Variants in ERCC6L2 observed in about 807,000 individuals in gnomAD.
The protein encoded by ERCC6L2 is DNA excision repair protein ERCC-6-like 2.
In ERCC6L2, 77 loss-of-function variants were observed where a neutral mutation model predicts 132.0. That is an observed-to-expected ratio of 0.58 (90% CI 0.49 to 0.71). The LOEUF (loss-of-function observed/expected upper bound fraction) is 0.71. Among genes scored for constraint, ERCC6L2 ranks in the 30% least tolerant of loss-of-function variants. The probability of loss-of-function intolerance (pLI) is 0.00; values close to 1 mark genes in which losing one functional copy is unlikely to be tolerated. For synonymous variants in ERCC6L2, 583 were observed against 632.4 expected (o/e 0.92, Z 1.17); for missense variants, 1,542 against 1,837.6 (o/e 0.84, Z 2.94).
chr9:96,000,750 C>G (rs1833639640), intron 17 of ERCC6L2, among the ~76,000 whole-genome samples: 1 of 152,088 alleles, frequency 6.6e-6, no homozygotes, highest in Non-Finnish European at 1.5e-5. Flanking sequence ...TTACCTATGC[C>G]AATCTGGGCG....
intron 16 of ERCC6L2, among the ~76,000 whole-genome samples, chr9:95,975,819 TC>T (rs1400933522): frequency 2.0e-5 from 3 of 152,138 alleles, no homozygotes; most frequent in African/African-American, 7.2e-5. Context: ...TTAAGGCTTA[TC>T]TGTTGTGTTT....
intron 19 of ERCC6L2, among the ~76,000 whole-genome samples, chr9:96,024,935 T>C (rs910895565): frequency 6.6e-6 from 1 of 152,206 alleles, no homozygotes; most frequent in African/African-American, 2.4e-5. Flanking sequence ...GATGCTTCCA[T>C]TCCTCTCAGC....
chr9:95,972,796 T>C lies in ERCC6L2; in HGVS notation c.3045T>C (p.Asn1015=). ...RIKETKKELH[N]SPKTMNKTNQ... ...AAGAAACCAAAAAAGAACTTCACAA[T>C]TCTCCCAAAACAATGAACAAAACAA... The change falls in exon 16 of 19, where the codon AAT becomes AAC. Residue 1015 remains asparagine (N), a synonymous_variant. Transcript: ENST00000653738. The C allele has an allele frequency of 7.7e-7, 1 of 1,304,350 alleles. No individual in the cohort carries two copies. The highest frequency in any genetic ancestry group is 1.0e-6 in the Non-Finnish European group (1 of 988,888). 80.8% of individuals were successfully genotyped at this position (1,304,350 alleles called of 1,614,324 possible). A position where few individuals can be genotyped will look rare whatever the true frequency, so the allele number is the denominator to read the frequency against.
chr9:95,902,052 A>T lies in ERCC6L2; in HGVS notation c.594+4081A>T, dbSNP rs553414688. On this transcript the variant is annotated intron_variant, in intron 3 of 18. Coordinates refer to ENST00000653738, the MANE Select transcript of ERCC6L2 (RefSeq NM_020207.7). ...GCTTGTTGAAGAAAGCCCTTTAATG[A>T]ACTGAATGTTACAAATTAAGGAGTG... Among the ~76,000 whole-genome samples, 4 of 152,336 alleles carry T rather than the reference A, an allele frequency of 2.6e-5. No homozygotes were observed. The East Asian group carries it at 5.8e-4, about 22-fold the overall frequency.
intron 6 of ERCC6L2, among the ~76,000 whole-genome samples, chr9:95,920,168 G>A (rs1453718532): frequency 6.6e-6 from 1 of 152,126 alleles, no homozygotes; most frequent in Non-Finnish European, 1.5e-5. Flanking sequence ...ACATGTTTCT[G>A]TAAAGTTACA....
chr9:95,942,569 A>G (rs369911307), intron 12 of ERCC6L2, among the ~76,000 whole-genome samples: 1 of 152,172 alleles, frequency 6.6e-6, no homozygotes. Context: ...GGAGAGGGCT[A>G]ATGGAAAAAT....
rs74522235 is a variant in ERCC6L2, at chr9:95,963,027, G to C, written c.1948-3535G>C. Among the ~76,000 whole-genome samples the C allele has an allele frequency of 4.1e-3, 622 of 152,172 alleles. 7 individuals are homozygous for C. The highest frequency in any genetic ancestry group is 0.014 in the African/African-American group (593 of 41,544). On this transcript the variant is annotated intron_variant, in intron 13 of 18. Coordinates refer to ENST00000653738, the MANE Select transcript of ERCC6L2 (RefSeq NM_020207.7). Reference sequence around the variant, plus strand: ...TACCTTTTGTTGCATCTGTTGTGATGATGCATTCAGATATTTTATACATTT... The same window carrying C: ...TACCTTTTGTTGCATCTGTTGTGATCATGCATTCAGATATTTTATACATTT...
intron 17 of ERCC6L2, among the ~76,000 whole-genome samples, chr9:95,981,251 G>GT (rs1238897940): frequency 6.6e-6 from 1 of 152,096 alleles, no homozygotes; most frequent in Non-Finnish European, 1.5e-5. Flanking sequence ...GTCTTTCAGA[G>GT]TTTTTCCATA....
intron 18 of ERCC6L2, among the ~76,000 whole-genome samples, chr9:96,007,184 G>T (rs1195975383): frequency 3.9e-5 from 6 of 152,364 alleles, no homozygotes; most frequent in African/African-American, 1.4e-4. Flanking sequence ...CAGCATTGCT[G>T]TTGTGGGCAG....
At chr9:95,935,165 G>A (rs1830501084) in intron 11 of ERCC6L2, among the ~76,000 whole-genome samples, 1 of 152,108 alleles carries the variant, frequency 6.6e-6, no homozygotes, top group Admixed American at 6.5e-5. Flanking sequence ...AGATTCATAG[G>A]CATTTAAGAA....
chr9:95,911,873 C>T (rs1484910890), intron 4 of ERCC6L2, among the ~76,000 whole-genome samples: 2 of 152,236 alleles, frequency 1.3e-5, no homozygotes, highest in East Asian at 3.8e-4. Flanking sequence ...TTTACCTCAA[C>T]TCTTACTGAT....
At chr9:95,933,971 A>G (rs1001265434) in intron 11 of ERCC6L2, among the ~76,000 whole-genome samples, 2 of 151,932 alleles carry the variant, frequency 1.3e-5, no homozygotes, top group African/African-American at 2.4e-5. Flanking sequence ...TTTGATAGAA[A>G]TTGTAGGAGA....
At chr9:96,005,389 A>G (rs1477338053) in intron 18 of ERCC6L2, among the ~76,000 whole-genome samples, 2 of 152,118 alleles carry the variant, frequency 1.3e-5, no homozygotes, top group Non-Finnish European at 2.9e-5. Context: ...TTTAAAAAGT[A>G]AACCTACAAA....
At chr9:95,941,580 G>A (rs1830801143) in intron 12 of ERCC6L2, 31 bp downstream of exon 12, 1 of 1,447,006 alleles carries the variant, frequency 6.9e-7, no homozygotes, top group Non-Finnish European at 9.7e-7. Flanking sequence ...AAAGTGATCT[G>A]CAAATACTTT....
rs748899131 is a variant in ERCC6L2, at chr9:95,956,020, A to G, written c.1947+7A>G. The G allele has an allele frequency of 6.6e-7, 1 of 1,525,516 alleles. No individual in the cohort carries two copies. The highest frequency in any genetic ancestry group is 8.9e-7 in the Non-Finnish European group (1 of 1,118,844). The allele number at this position is 1,525,516 out of a possible 1,614,324, so 94.5% of individuals were successfully genotyped here. A position where few individuals can be genotyped will look rare whatever the true frequency, so the allele number is the denominator to read the frequency against. ...ACGACAGATATACAAGCAGGTAAATATGTTTCCCTTTTTCTGTTTCAGAGG... is the reference window on the plus strand; with the variant it reads ...ACGACAGATATACAAGCAGGTAAATGTGTTTCCCTTTTTCTGTTTCAGAGG... On this transcript the variant is annotated splice_region_variant and intron_variant, in intron 13 of 18. Transcript: ENST00000653738.
At chr9:95,954,144 A>G (rs1831480491) in intron 12 of ERCC6L2, among the ~76,000 whole-genome samples, 1 of 152,222 alleles carries the variant, frequency 6.6e-6, no homozygotes, top group Non-Finnish European at 1.5e-5. Context: ...GTCATAGCCA[A>G]TAAGTGGCAG....
downstream of ERCC6L2, among the ~76,000 whole-genome samples, chr9:96,022,069 C>A (rs1331846558): frequency 2.6e-5 from 4 of 152,242 alleles, no homozygotes; most frequent in Non-Finnish European, 5.9e-5. Context: ...CCGGCGCCCC[C>A]GGCCAAGTGG....
chr9:95,893,169 C>T (rs969892896), intron 2 of ERCC6L2, among the ~76,000 whole-genome samples: 27 of 152,062 alleles, frequency 1.8e-4, no homozygotes, highest in African/African-American at 6.5e-4. Context: ...GTAAATAGGT[C>T]ATTCTATTCT....
At chr9:95,997,306 T>A (rs540066301) in intron 17 of ERCC6L2, among the ~76,000 whole-genome samples, 1 of 152,146 alleles carries the variant, frequency 6.6e-6, no homozygotes, top group Non-Finnish European at 1.5e-5. Context: ...AAGACTTTAG[T>A]GGGGGAACTA....
Sources: gnomAD v4.1 joint callset for allele counts (sites outside exome capture counted in the v4.1 genomes callset) on GRCh38, gnomAD v4.1.1 for gene constraint, MANE v1.5 for transcripts, NCBI Gene and HGNC (gene_info 2026-07-23, HGNC 2026-07-21) for gene names.